The following SLIT3 variants were observed in gnomAD, a reference collection of about 807,000 sequenced individuals.
The protein encoded by SLIT3 is slit guidance ligand 3, also known as slit homolog 3 protein.
Under a neutral mutation model 184.0 loss-of-function variants are expected in SLIT3, and 68 were observed. The observed-to-expected ratio is 0.37, with a 90% CI of 0.30 to 0.45. The LOEUF is 0.45. SLIT3 is among the 20% of genes least tolerant of loss of function. The pLI is 1.00. For synonymous variants in SLIT3, 831 were observed against 828.6 expected (o/e 1.00, Z -0.05); for missense variants, 1,707 against 2,026.0 (o/e 0.84, Z 3.02).
At chr5:169,148,693 C>G (rs1762015369) in intron 4 of SLIT3, among the ~76,000 whole-genome samples, 1 of 152,178 alleles carries the variant, frequency 6.6e-6, no homozygotes, top group Non-Finnish European at 1.5e-5. Flanking sequence ...AAAATTGTTA[C>G]TAATTGTGAT....
intron 1 of SLIT3, among the ~76,000 whole-genome samples, chr5:169,272,939 G>A (rs1460568187): frequency 1.3e-5 from 2 of 152,110 alleles, no homozygotes; most frequent in African/African-American, 4.8e-5. Context: ...CTGCTGGGGT[G>A]GGAGCCCAGG....
At chr5:168,984,290 T>C (rs906113543) in intron 4 of SLIT3, among the ~76,000 whole-genome samples, 20 of 152,292 alleles carry the variant, frequency 1.3e-4, no homozygotes, top group African/African-American at 4.8e-4. Flanking sequence ...GGGGACTGGC[T>C]GGGCCCGTCG....
At chr5:169,044,549 A>G (rs986693586) in intron 4 of SLIT3, among the ~76,000 whole-genome samples, 3 of 147,540 alleles carry the variant, frequency 2.0e-5, no homozygotes, top group African/African-American at 7.6e-5. Flanking sequence ...CCATAGAGAC[A>G]AAAAGTAGAT....
At chr5:169,241,228 G>C (rs1765394527) in intron 3 of SLIT3, among the ~76,000 whole-genome samples, 1 of 152,078 alleles carries the variant, frequency 6.6e-6, no homozygotes, top group South Asian at 2.1e-4. Flanking sequence ...TTAGGTTTAG[G>C]TAAATATATT....
chr5:169,038,051 T>C (rs1053060176), intron 4 of SLIT3: 15 of 152,268 alleles, frequency 9.9e-5, no homozygotes, highest in Non-Finnish European at 2.1e-4. Context: ...TTTCGTTTTT[T>C]TTAAAAATTT....
chr5:169,264,075 C>A (rs1260332958), intron 1 of SLIT3, among the ~76,000 whole-genome samples: 2 of 151,470 alleles, frequency 1.3e-5, no homozygotes, highest in Admixed American at 1.3e-4. Flanking sequence ...AAAAAAACCA[C>A]TGAAAAAAGG....
intron 4 of SLIT3, among the ~76,000 whole-genome samples, chr5:169,106,130 T>G (rs1490420222): frequency 6.6e-6 from 1 of 152,110 alleles, no homozygotes; most frequent in African/African-American, 2.4e-5. Flanking sequence ...GGTTGATGTG[T>G]GCAGAAAACC....
intron 12 of SLIT3, among the ~76,000 whole-genome samples, chr5:168,776,074 G>C (rs1755736217): frequency 6.6e-6 from 1 of 152,310 alleles, no homozygotes; most frequent in South Asian, 2.1e-4. Flanking sequence ...TTCGAGGCTG[G>C]TTCAGCCCCT....
At chr5:169,221,907 A>G (rs370350823) in intron 3 of SLIT3, among the ~76,000 whole-genome samples, 13 of 152,220 alleles carry the variant, frequency 8.5e-5, no homozygotes, top group African/African-American at 3.1e-4. Flanking sequence ...CATAGGATGT[A>G]CAGAGATTGC....
intron 3 of SLIT3, among the ~76,000 whole-genome samples, chr5:169,241,165 T>A (rs528147116): frequency 6.6e-6 from 1 of 152,312 alleles, no homozygotes; most frequent in South Asian, 2.1e-4. Context: ...TTGGTTTAAC[T>A]TTTTCCTATA....
chr5:169,092,484 T>C (rs1044907339), intron 4 of SLIT3, among the ~76,000 whole-genome samples: 12 of 152,186 alleles, frequency 7.9e-5, no homozygotes, highest in African/African-American at 2.9e-4. Flanking sequence ...GTGGGAGTTG[T>C]AGTCTACCCT....
intron 3 of SLIT3, among the ~76,000 whole-genome samples, chr5:169,238,861 G>C (rs938699264): frequency 6.6e-6 from 1 of 152,078 alleles, no homozygotes; most frequent in Non-Finnish European, 1.5e-5. Flanking sequence ...ACCATGAATT[G>C]GATCTGATAG....
chr5:169,217,155 T>C (rs939650614), intron 3 of SLIT3, among the ~76,000 whole-genome samples: 2 of 142,898 alleles, frequency 1.4e-5, no homozygotes, highest in Non-Finnish European at 3.1e-5. Context: ...AAAAAAAACT[T>C]AGACTTTCTA....
intron 4 of SLIT3, among the ~76,000 whole-genome samples, chr5:169,168,394 A>G (rs1762710548): frequency 6.6e-6 from 1 of 152,194 alleles, no homozygotes; most frequent in African/African-American, 2.4e-5. Context: ...GGGCTGCTGC[A>G]CAATCTGGCT....
At chr5:168,675,218 T>C (rs1030719785) in intron 32 of SLIT3, among the ~76,000 whole-genome samples, 5 of 152,130 alleles carry the variant, frequency 3.3e-5, no homozygotes, top group Non-Finnish European at 7.4e-5. Flanking sequence ...GGGATACATA[T>C]GGAGGCTTCC....
chr5:169,155,877 C>T (rs1157420417), intron 4 of SLIT3, among the ~76,000 whole-genome samples: 3 of 152,318 alleles, frequency 2.0e-5, no homozygotes, highest in South Asian at 2.1e-4. Flanking sequence ...TGCTCCACCT[C>T]GCCTACAGTA....
At chr5:168,855,131 G>A (rs1484503463) in intron 5 of SLIT3, among the ~76,000 whole-genome samples, 1 of 152,188 alleles carries the variant, frequency 6.6e-6, no homozygotes, top group Non-Finnish European at 1.5e-5. Context: ...CTGGCACACA[G>A]GAGGTGCTCA....
intron 19 of SLIT3, among the ~76,000 whole-genome samples, chr5:168,749,152 G>A (rs1754607717): frequency 6.6e-6 from 1 of 152,228 alleles, no homozygotes; most frequent in South Asian, 2.1e-4. Flanking sequence ...TGATAGATGA[G>A]TATATTTGGT....
chr5:169,249,550 A>G (rs552956722), intron 2 of SLIT3, among the ~76,000 whole-genome samples: 318 of 152,364 alleles, frequency 2.1e-3, no homozygotes, highest in African/African-American at 7.3e-3. Flanking sequence ...AAAATGAAGC[A>G]TTAGGTGAAA....
Sources: allele counts gnomAD v4.1 joint callset (sites outside exome capture counted in the v4.1 genomes callset), GRCh38; gene constraint gnomAD v4.1.1; transcripts MANE v1.5; gene names NCBI Gene and HGNC (gene_info 2026-07-23, HGNC 2026-07-21).